Variants in PDZRN3 observed in about 807,000 individuals in gnomAD.
PDZRN3 encodes the protein PDZ domain containing ring finger 3.
In PDZRN3, 38 loss-of-function variants were observed where a neutral mutation model predicts 85.7. The ratio of observed to expected loss-of-function variants is 0.44; its 90% confidence interval spans 0.34 to 0.58. The LOEUF is 0.58. Ranked by LOEUF, PDZRN3 falls within the 20% of genes least tolerant of loss-of-function variation. The pLI is 0.01. For synonymous variants in PDZRN3, 759 were observed against 638.0 expected (o/e 1.19, Z -2.86); for missense variants, 1,629 against 1,506.4 (o/e 1.08, Z -1.35).
chr3:73,486,150 A>C (rs1703657279), intron 3 of PDZRN3, among the ~76,000 whole-genome samples: 1 of 152,220 alleles, frequency 6.6e-6, no homozygotes, highest in Non-Finnish European at 1.5e-5. Context: ...TGAAGGAAAC[A>C]GAAAAATAAT....
chr3:73,529,406 T>C (rs535115297), intron 3 of PDZRN3, among the ~76,000 whole-genome samples: 2 of 152,334 alleles, frequency 1.3e-5, no homozygotes, highest in Non-Finnish European at 2.9e-5. Context: ...CTGAGGTTTC[T>C]CTGCTACATG....
At chr3:73,577,808 A>G (rs1702146550) in intron 3 of PDZRN3, among the ~76,000 whole-genome samples, 1 of 152,120 alleles carries the variant, frequency 6.6e-6, no homozygotes, top group African/African-American at 2.4e-5. Context: ...TTACTGCCCT[A>G]TGCTCTTCTT....
At chr3:73,529,907 T>C (rs1306826585) in intron 3 of PDZRN3, among the ~76,000 whole-genome samples, 1 of 152,226 alleles carries the variant, frequency 6.6e-6, no homozygotes, top group African/African-American at 2.4e-5. Flanking sequence ...TAACAGTCCC[T>C]TCCTTATAGG....
intron 3 of PDZRN3, among the ~76,000 whole-genome samples, chr3:73,472,796 A>G (rs191894145): frequency 4.5e-4 from 69 of 152,330 alleles, no homozygotes; most frequent in Admixed American, 3.6e-3. Flanking sequence ...ATCGTTCAGA[A>G]AGCTGGATTA....
intron 3 of PDZRN3, among the ~76,000 whole-genome samples, chr3:73,458,063 A>G (rs989699541): frequency 2.6e-5 from 4 of 152,204 alleles, no homozygotes; most frequent in African/African-American, 9.7e-5. Context: ...TCAGAGACCG[A>G]GGTTCTGTTA....
chr3:73,530,700 TAGAG>T (rs1381593770), intron 3 of PDZRN3, among the ~76,000 whole-genome samples: 1 of 152,222 alleles, frequency 6.6e-6, no homozygotes, highest in African/African-American at 2.4e-5. Flanking sequence ...ATTTATTTCT[TAGAG>T]AGAAAATCAG....
chr3:73,416,511 A>G (rs926664927), intron 3 of PDZRN3, among the ~76,000 whole-genome samples: 8 of 151,868 alleles, frequency 5.3e-5, no homozygotes, highest in African/African-American at 1.9e-4. Context: ...CCTCACAAGT[A>G]CATGTGGATG....
chr3:73,451,148 G>A (rs938568576), intron 3 of PDZRN3, among the ~76,000 whole-genome samples: 3 of 152,094 alleles, frequency 2.0e-5, no homozygotes, highest in Non-Finnish European at 4.4e-5. Flanking sequence ...TGTGTTCCTC[G>A]GAGCTGCAAA....
At chr3:73,500,979 C>T (rs1703967065) in intron 3 of PDZRN3, among the ~76,000 whole-genome samples, 1 of 152,124 alleles carries the variant, frequency 6.6e-6, no homozygotes, top group Non-Finnish European at 1.5e-5. Context: ...CCATGACAGA[C>T]TCTAAAATTC....
intron 1 of PDZRN3, 150 bp downstream of exon 1, chr3:73,623,953 A>T: frequency 1.3e-6 from 1 of 743,230 alleles, no homozygotes; most frequent in Non-Finnish European, 2.0e-6. Flanking sequence ...ACCTGCAAGT[A>T]GTGATACAGC....
intron 3 of PDZRN3, among the ~76,000 whole-genome samples, chr3:73,492,157 C>T (rs1421991489): frequency 6.6e-6 from 1 of 152,190 alleles, no homozygotes; most frequent in East Asian, 1.9e-4. Flanking sequence ...ATCAGGCCCC[C>T]AAACCAATTT....
At chr3:73,505,638 A>G (rs1188306316) in intron 3 of PDZRN3, among the ~76,000 whole-genome samples, 4 of 152,186 alleles carry the variant, frequency 2.6e-5, no homozygotes, top group Admixed American at 6.5e-5. Context: ...TTTGTTTAAT[A>G]TACATATTAC....
chr3:73,498,946 T>G (rs1358546173), intron 3 of PDZRN3, among the ~76,000 whole-genome samples: 1 of 152,114 alleles, frequency 6.6e-6, no homozygotes, highest in Non-Finnish European at 1.5e-5. Flanking sequence ...GGGTCGCTGG[T>G]CAGGCTTGCT....
chr3:73,608,494 T>A, intron 2 of PDZRN3, 104 bp downstream of exon 2: 5 of 747,174 alleles, frequency 6.7e-6, no homozygotes, highest in South Asian at 6.0e-5. Context: ...GAGAGCAGAA[T>A]GAAGTGAGCA....
chr3:73,569,275 G>A, intron 3 of PDZRN3: 1 of 1,268,800 alleles, frequency 7.9e-7, no homozygotes, highest in Non-Finnish European at 1.0e-6. Context: ...AATGTCGTAT[G>A]AAATGAAGAC....
chr3:73,593,146 A>G (rs781288507), intron 3 of PDZRN3, among the ~76,000 whole-genome samples: 7 of 151,976 alleles, frequency 4.6e-5, no homozygotes, highest in East Asian at 1.9e-4. Context: ...ATATTTAAAG[A>G]TAAGTGTCTA....
intron 3 of PDZRN3, among the ~76,000 whole-genome samples, chr3:73,525,742 C>T (rs1704507707): frequency 6.6e-6 from 1 of 152,232 alleles, no homozygotes; most frequent in Non-Finnish European, 1.5e-5. Context: ...AGGCATGCTG[C>T]TCCCTACTTG....
At chr3:73,537,271 G>A (rs1028844065) in intron 3 of PDZRN3, among the ~76,000 whole-genome samples, 3 of 152,204 alleles carry the variant, frequency 2.0e-5, no homozygotes, top group African/African-American at 4.8e-5. Flanking sequence ...AGATGGAGAA[G>A]ACTGTGTTCC....
At chr3:73,421,853 TG>T (rs775329685) in intron 3 of PDZRN3, among the ~76,000 whole-genome samples, 2 of 152,326 alleles carry the variant, frequency 1.3e-5, no homozygotes, top group East Asian at 3.9e-4. Context: ...TTCACCATGT[TG>T]GCCAGGATGG....
Sources: allele counts gnomAD v4.1 joint callset (sites outside exome capture counted in the v4.1 genomes callset), GRCh38; gene constraint gnomAD v4.1.1; transcripts MANE v1.5; gene names NCBI Gene and HGNC (gene_info 2026-07-23, HGNC 2026-07-21).